EYS: variants seen among roughly 807,000 people sequenced by gnomAD.
EYS encodes the protein EGF-like photoreceptor maintenance factor, also known as protein eyes shut homolog.
In EYS, 250 loss-of-function variants were observed where a neutral mutation model predicts 282.1. The ratio of observed to expected loss-of-function variants is 0.89; its 90% confidence interval spans 0.80 to 0.98. The LOEUF is 0.98. Ranked by LOEUF, EYS falls within the 50% of genes least tolerant of loss-of-function variation. The pLI is 0.00. For missense variants in EYS, 4,016 were observed against 3,709.0 expected, an observed-to-expected ratio of 1.08 and a Z score of -2.15; for synonymous variants, 1,355 against 1,282.9, an observed-to-expected ratio of 1.06 and a Z score of -1.20.
At chr6:65,213,883 G>A (rs533113657) in intron 12 of EYS, among the ~76,000 whole-genome samples, 8 of 152,110 alleles carry the variant, frequency 5.3e-5, no homozygotes, top group African/African-American at 1.7e-4. Flanking sequence ...AAAGCTGGCC[G>A]GGCGTGGTGG....
chr6:64,390,270 C>G (rs1279819893), intron 28 of EYS, among the ~76,000 whole-genome samples: 5 of 152,192 alleles, frequency 3.3e-5, no homozygotes, highest in Non-Finnish European at 7.3e-5. Flanking sequence ...GTGGAGCCCA[C>G]CACAGCTCAA....
chr6:63,975,357 G>A (rs888827741), intron 35 of EYS, among the ~76,000 whole-genome samples: 2 of 151,758 alleles, frequency 1.3e-5, no homozygotes, highest in African/African-American at 4.8e-5. Context: ...ATAAAAGAAG[G>A]GACAGATTGA....
intron 33 of EYS, among the ~76,000 whole-genome samples, chr6:64,022,674 G>A (rs1769247188): frequency 6.6e-6 from 1 of 152,174 alleles, no homozygotes; most frequent in Admixed American, 6.5e-5. Flanking sequence ...TGCTGAAACT[G>A]CCTGCTCCAA....
rs996905315 is a variant in EYS at position 64,440,157 on chromosome 6, T to C, written c.5645-805A>G. On this transcript the variant is annotated intron_variant, in intron 26 of 42. Coordinates refer to ENST00000503581, the MANE Select transcript of EYS (RefSeq NM_001142800.2). The stretch of plus-strand genomic sequence containing the variant: ...TCTTTTAAAACTTTCGAATTATGTA[T>C]TATTTATAACTACTAGAAAATATTA... 5.3e-5 allele frequency among the ~76,000 whole-genome samples: 8 copies of C among 152,018 alleles called. No individual in the cohort carries two copies. In the East Asian group the frequency reaches 1.2e-3, roughly 22 times the overall value.
intron 28 of EYS, among the ~76,000 whole-genome samples, chr6:64,401,839 C>T (rs1773546901): frequency 6.6e-6 from 1 of 152,058 alleles, no homozygotes; most frequent in Non-Finnish European, 1.5e-5. Context: ...CTCTGAAAAA[C>T]TTAAAATGAA....
chr6:64,531,799 G>A, intron 26 of EYS, among the ~76,000 whole-genome samples: 1 of 151,880 alleles, frequency 6.6e-6, no homozygotes, highest in East Asian at 1.9e-4. Flanking sequence ...CAGGGACTGT[G>A]GTGGATTACA....
intron 22 of EYS, among the ~76,000 whole-genome samples, chr6:64,754,417 A>G (rs563420878): frequency 2.0e-5 from 3 of 152,170 alleles, no homozygotes; most frequent in African/African-American, 2.4e-5. Context: ...ATACAAGGAG[A>G]ATTTGGACTG....
At chr6:64,526,802 C>T (rs1172120402) in intron 26 of EYS, among the ~76,000 whole-genome samples, 1 of 151,688 alleles carries the variant, frequency 6.6e-6, no homozygotes, top group East Asian at 1.9e-4. Context: ...ATTTAATGGC[C>T]TGAGACTTGG....
chr6:65,510,508 T>C (rs1766827337), intron 2 of EYS, among the ~76,000 whole-genome samples: 1 of 152,122 alleles, frequency 6.6e-6, no homozygotes, highest in African/African-American at 2.4e-5. Context: ...AAAAATATCA[T>C]TTGATTCACA....
At chr6:65,479,834 CTT>C (rs1197958692) in intron 5 of EYS, among the ~76,000 whole-genome samples, 1 of 151,972 alleles carries the variant, frequency 6.6e-6, no homozygotes, top group Non-Finnish European at 1.5e-5. Flanking sequence ...ACATTGAAAA[CTT>C]TTGCTCATCA....
intron 2 of EYS, among the ~76,000 whole-genome samples, chr6:65,622,434 C>G (rs1439227242): frequency 6.6e-6 from 1 of 151,902 alleles, no homozygotes; most frequent in East Asian, 1.9e-4. Flanking sequence ...GACATGTTTT[C>G]CATTATTATT....
chr6:64,925,521 G>A (rs908603780), intron 15 of EYS, among the ~76,000 whole-genome samples: 6 of 152,178 alleles, frequency 3.9e-5, no homozygotes, highest in Non-Finnish European at 7.3e-5. Context: ...GTGAATAATA[G>A]TGGTAGCAGA....
At chr6:64,757,636 A>G (rs772618498) in intron 22 of EYS, among the ~76,000 whole-genome samples, 1 of 152,226 alleles carries the variant, frequency 6.6e-6, no homozygotes, top group African/African-American at 2.4e-5. Context: ...ATACCACTGT[A>G]TCAATCAGTA....
intron 15 of EYS, among the ~76,000 whole-genome samples, chr6:64,927,575 G>A (rs1033292900): frequency 6.6e-6 from 1 of 152,030 alleles, no homozygotes; most frequent in African/African-American, 2.4e-5. Flanking sequence ...TTTCATCACT[G>A]ATTTGGCAAG....
chr6:64,382,276 A>C (rs1772771249), intron 29 of EYS, among the ~76,000 whole-genome samples: 1 of 152,134 alleles, frequency 6.6e-6, no homozygotes, highest in Non-Finnish European at 1.5e-5. Flanking sequence ...AGGTTATGTC[A>C]TCTGGCCTCA....
chr6:64,878,340 C>T (rs770170400), intron 19 of EYS, among the ~76,000 whole-genome samples: 2 of 152,022 alleles, frequency 1.3e-5, no homozygotes, highest in African/African-American at 2.4e-5. Context: ...AATGCAGATG[C>T]GTATAGTTTG....
chr6:64,425,788 T>G lies in EYS; in HGVS notation c.5927+10386A>C, dbSNP rs187485732. Among the ~76,000 whole-genome samples the G allele has an allele frequency of 6.5e-3, 990 of 151,244 alleles. 8 individuals are homozygous for G. The highest frequency in any genetic ancestry group is 7.3e-3 in the Non-Finnish European group (492 of 67,820). On this transcript the variant is annotated intron_variant, in intron 28 of 42. Transcript: ENST00000503581. ...AAAGGCTTGAATATAAAGAGCAAAC[T>G]GATGAGTAAAAAATGACTTTCATTA...
At position 64,313,844 on chromosome 6, in the gene EYS, C is replaced by T. The variant is rs1485620020; in HGVS notation, c.6079-6762G>A. On this transcript the variant is annotated intron_variant, in intron 29 of 42. Coordinates refer to ENST00000503581, the MANE Select transcript of EYS (RefSeq NM_001142800.2). The stretch of plus-strand genomic sequence containing the variant: ...AGAGATTTTGTCACCACCAAGCTTG[C>T]CACACAAGAGCTCCTGAAGGAAGCA... 2.0e-5 allele frequency among the ~76,000 whole-genome samples: 3 copies of T among 152,192 alleles called. No individual in the cohort carries two copies. The East Asian group carries it at 5.8e-4, about 29-fold the overall frequency.
chr6:64,564,574 C>T (rs1205472383), intron 26 of EYS, among the ~76,000 whole-genome samples: 1 of 152,082 alleles, frequency 6.6e-6, no homozygotes, highest in African/African-American at 2.4e-5. Flanking sequence ...AGCCACCATG[C>T]CCAGCCTTTT....
Sources: gnomAD v4.1 joint callset for allele counts (sites outside exome capture counted in the v4.1 genomes callset) on GRCh38, gnomAD v4.1.1 for gene constraint, MANE v1.5 for transcripts, NCBI Gene and HGNC (gene_info 2026-07-23, HGNC 2026-07-21) for gene names.